ARL15: variants seen among roughly 807,000 people sequenced by gnomAD.
ARL15 encodes ADP-ribosylation factor-like protein 15.
In ARL15, 19 loss-of-function variants were observed where a neutral mutation model predicts 25.2. The observed-to-expected ratio is 0.75, with a 90% CI of 0.53 to 1.10. ARL15 has a LOEUF of 1.10. ARL15 is among the 50% of genes least tolerant of loss of function. The probability of loss-of-function intolerance (pLI) is 0.00; values close to 1 mark genes in which losing one functional copy is unlikely to be tolerated. For missense variants in ARL15, 220 were observed against 246.0 expected (o/e 0.89, Z 0.71); for synonymous variants, 94 against 86.8 (o/e 1.08, Z -0.46).
chr5:53,971,175 G>A (rs184219501), intron 4 of ARL15, among the ~76,000 whole-genome samples: 3 of 152,230 alleles, frequency 2.0e-5, no homozygotes, highest in South Asian at 2.1e-4. Context: ...CTATTGGCTC[G>A]ATTTTTAAAT....
chr5:54,077,882 ACT>A (rs1751664043), intron 4 of ARL15, among the ~76,000 whole-genome samples: 1 of 152,002 alleles, frequency 6.6e-6, no homozygotes, highest in Non-Finnish European at 1.5e-5. Context: ...TTTTGTGAAC[ACT>A]CTGGTGGATT....
intron 1 of ARL15, among the ~76,000 whole-genome samples, chr5:54,214,677 T>G (rs1756131742): frequency 6.6e-6 from 1 of 152,162 alleles, no homozygotes; most frequent in Admixed American, 6.6e-5. Flanking sequence ...ACACGAAACG[T>G]CCTGAACACT....
intron 1 of ARL15, among the ~76,000 whole-genome samples, chr5:54,255,217 T>C (rs1286456451): frequency 6.6e-6 from 1 of 152,146 alleles, no homozygotes; most frequent in East Asian, 1.9e-4. Flanking sequence ...ATTTTTTTTT[T>C]ATCCTTGCAT....
At chr5:54,161,055 T>C (rs946659061) in intron 2 of ARL15, among the ~76,000 whole-genome samples, 4 of 152,112 alleles carry the variant, frequency 2.6e-5, no homozygotes, top group African/African-American at 9.7e-5. Flanking sequence ...TAGTTTTCCA[T>C]GGTTTAAATT....
At chr5:54,110,049 G>T (rs12054756) in intron 4 of ARL15, among the ~76,000 whole-genome samples, 19,970 of 151,880 alleles carry the variant, frequency 0.13, 1,391 homozygotes, top group Non-Finnish European at 0.15. Context: ...ATTACAGAAA[G>T]AAAAAATATG....
At chr5:54,165,830 G>T (rs1247204894) in intron 2 of ARL15, among the ~76,000 whole-genome samples, 6 of 151,680 alleles carry the variant, frequency 4.0e-5, no homozygotes, top group Admixed American at 4.0e-4. Context: ...CTACAGTTTG[G>T]GCTGGCAGGC....
chr5:54,097,380 T>A (rs1483198812), intron 4 of ARL15, among the ~76,000 whole-genome samples: 5 of 151,292 alleles, frequency 3.3e-5, no homozygotes. Context: ...CTGCCATTTG[T>A]TTAGGCTTCC....
chr5:53,908,369 T>C (rs1482441573), intron 4 of ARL15, among the ~76,000 whole-genome samples: 1 of 151,316 alleles, frequency 6.6e-6, no homozygotes, highest in Non-Finnish European at 1.5e-5. Context: ...TGTAATGAAC[T>C]TTTTTTCCTC....
intron 2 of ARL15, among the ~76,000 whole-genome samples, chr5:54,162,024 C>CACACACACACACACACAGAG (rs148833900): frequency 6.9e-6 from 1 of 145,428 alleles, no homozygotes; most frequent in African/African-American, 2.7e-5. Context: ...CACACACACA[C>CACACACACACACACACAGAG]AGAGAGAGAT....
rs568165298 is a variant in ARL15 at position 53,956,529 on chromosome 5, C to T, written c.463-69816G>A. Among the ~76,000 whole-genome samples the T allele has an allele frequency of 6.6e-5, 10 of 150,852 alleles. No homozygotes were observed. The South Asian group carries it at 2.1e-3, about 32-fold the overall frequency. The stretch of plus-strand genomic sequence containing the variant: ...CACAAAAGAAATTAATAGAAATTTC[C>T]CTGAGGACCAAAGGCACTAAACTTA... On this transcript the variant is annotated intron_variant, in intron 4 of 4. Coordinates refer to ENST00000504924, the MANE Select transcript of ARL15 (RefSeq NM_019087.3).
intron 4 of ARL15, among the ~76,000 whole-genome samples, chr5:54,031,059 T>C (rs1459434771): frequency 1.3e-5 from 2 of 152,130 alleles, no homozygotes; most frequent in Non-Finnish European, 2.9e-5. Context: ...ATGGTACATG[T>C]GTACAGGTTG....
At chr5:54,012,526 C>CT (rs1311444885) in intron 4 of ARL15, among the ~76,000 whole-genome samples, 1,535 of 140,820 alleles carry the variant, frequency 0.011, 14 homozygotes, top group African/African-American at 0.021. Context: ...TATTTCTTTT[C>CT]TTTTTTTTTT....
At chr5:53,928,726 G>A (rs990557855) in intron 4 of ARL15, among the ~76,000 whole-genome samples, 2 of 152,140 alleles carry the variant, frequency 1.3e-5, no homozygotes, top group African/African-American at 4.8e-5. Flanking sequence ...CCAGGAAGTG[G>A]CTGTCGGGTG....
chr5:54,211,753 C>T (rs12054829), intron 1 of ARL15, among the ~76,000 whole-genome samples: 99,043 of 151,874 alleles, frequency 0.65, 34,479 homozygotes, highest in Non-Finnish European at 0.77. Flanking sequence ...ATTACAGGCA[C>T]GAGCCACCGT....
At chr5:54,177,011 C>T (rs540950511) in intron 1 of ARL15, among the ~76,000 whole-genome samples, 4 of 152,254 alleles carry the variant, frequency 2.6e-5, no homozygotes, top group Admixed American at 1.3e-4. Flanking sequence ...TCCCCACTCC[C>T]CTGGTAGCAG....
At chr5:53,911,235 C>A (rs1745454790) in intron 4 of ARL15, among the ~76,000 whole-genome samples, 2 of 152,152 alleles carry the variant, frequency 1.3e-5, no homozygotes, top group Non-Finnish European at 2.9e-5. Flanking sequence ...AAGAATATCA[C>A]AGTAAGAAGA....
chr5:54,026,656 T>C (rs900824617), intron 4 of ARL15, among the ~76,000 whole-genome samples: 1 of 152,156 alleles, frequency 6.6e-6, no homozygotes, highest in African/African-American at 2.4e-5. Flanking sequence ...AAATTCCTAA[T>C]CTAGTTACAG....
chr5:54,205,716 T>C (rs1163888826), intron 1 of ARL15, among the ~76,000 whole-genome samples: 3 of 152,198 alleles, frequency 2.0e-5, no homozygotes, highest in African/African-American at 7.2e-5. Context: ...ACTTAAATTC[T>C]GCTGTGGAGG....
At chr5:53,929,398 C>T (rs558352553) in intron 4 of ARL15, among the ~76,000 whole-genome samples, 8 of 152,188 alleles carry the variant, frequency 5.3e-5, no homozygotes, top group South Asian at 2.1e-4. Context: ...ACAGAAGTCA[C>T]GATAATTGTG....
Sources: gnomAD v4.1 joint callset for allele counts (sites outside exome capture counted in the v4.1 genomes callset) on GRCh38, gnomAD v4.1.1 for gene constraint, MANE v1.5 for transcripts, NCBI Gene and HGNC (gene_info 2026-07-23, HGNC 2026-07-21) for gene names.